The following VPS13D variants were observed in gnomAD, a reference collection of about 807,000 sequenced individuals.
The protein encoded by VPS13D is intermembrane lipid transfer protein VPS13D.
In VPS13D, 187 loss-of-function variants were observed where a neutral mutation model predicts 461.9. The observed-to-expected ratio is 0.40, with a 90% CI of 0.36 to 0.46. VPS13D has a LOEUF of 0.46. Ranked by LOEUF, VPS13D falls within the 20% of genes least tolerant of loss-of-function variation. The probability of loss-of-function intolerance (pLI) is 0.60; values close to 1 mark genes in which losing one functional copy is unlikely to be tolerated. For missense variants in VPS13D, 4,711 were observed against 5,364.9 expected, an observed-to-expected ratio of 0.88 and a Z score of 3.81; for synonymous variants, 1,951 against 1,986.3, an observed-to-expected ratio of 0.98 and a Z score of 0.47.
intron 22 of VPS13D, among the ~76,000 whole-genome samples, chr1:12,289,729 A>G (rs1159580464): frequency 1.3e-5 from 2 of 151,958 alleles, no homozygotes; most frequent in African/African-American, 4.8e-5. Context: ...TGAGGTCAGG[A>G]GTTTGAGACA....
At chr1:12,254,715 G>A (rs1455980990) in intron 7 of VPS13D, among the ~76,000 whole-genome samples, 3 of 151,200 alleles carry the variant, frequency 2.0e-5, no homozygotes, top group African/African-American at 4.9e-5. Context: ...GTAGAGATGG[G>A]GTTTCGCCAT....
chr1:12,302,837 T>C, intron 25 of VPS13D, among the ~76,000 whole-genome samples: 1 of 151,344 alleles, frequency 6.6e-6, no homozygotes, highest in East Asian at 1.9e-4. Context: ...AATTCCTTTT[T>C]TTTTTTTTTT....
At chr1:12,362,444 G>A (rs1400645519) in intron 50 of VPS13D, among the ~76,000 whole-genome samples, 1 of 152,218 alleles carries the variant, frequency 6.6e-6, no homozygotes, top group African/African-American at 2.4e-5. Flanking sequence ...TATTTTAGTT[G>A]CTGTTAAATG....
At chr1:12,405,916 C>CT (rs1644647254) in intron 63 of VPS13D, among the ~76,000 whole-genome samples, 1 of 152,182 alleles carries the variant, frequency 6.6e-6, no homozygotes, top group Admixed American at 6.5e-5. Flanking sequence ...ACTCCCCAGA[C>CT]TGAGAAAAGC....
At chr1:12,434,792 T>C (rs1027444016) in intron 65 of VPS13D, among the ~76,000 whole-genome samples, 10 of 152,368 alleles carry the variant, frequency 6.6e-5, no homozygotes, top group African/African-American at 2.4e-4. Context: ...TTTAGATTAA[T>C]CTTGTACTAC....
At chr1:12,483,399 T>A (rs1570262263) in intron 67 of VPS13D, among the ~76,000 whole-genome samples, 1 of 152,346 alleles carries the variant, frequency 6.6e-6, no homozygotes, top group African/African-American at 2.4e-5. Context: ...GCCATTTGGA[T>A]TTTTCTTCTT....
intron 47 of VPS13D, 52 bp downstream of exon 47, chr1:12,354,273 G>A (rs1217077029): frequency 6.3e-7 from 1 of 1,592,018 alleles, no homozygotes. Flanking sequence ...AAATATCAAT[G>A]AGTATTTTGT....
intron 27 of VPS13D, among the ~76,000 whole-genome samples, chr1:12,309,306 G>A (rs1377111897): frequency 6.6e-6 from 1 of 150,404 alleles, no homozygotes; most frequent in Non-Finnish European, 1.5e-5. Context: ...CACCTCCCGG[G>A]TTCAAGCGAT....
At chr1:12,233,376 C>T (rs1287298230) in intron 1 of VPS13D, among the ~76,000 whole-genome samples, 1 of 152,178 alleles carries the variant, frequency 6.6e-6, no homozygotes. Flanking sequence ...GGTTTCTTAA[C>T]ATTGGCTCTG....
intron 67 of VPS13D, among the ~76,000 whole-genome samples, chr1:12,472,853 C>T (rs185944559): frequency 3.7e-4 from 57 of 152,378 alleles, no homozygotes; most frequent in African/African-American, 1.3e-3. Context: ...TTAGGCATCA[C>T]AGCAGCTTTT....
At chr1:12,499,194 C>T (rs1055875996) in intron 68 of VPS13D, among the ~76,000 whole-genome samples, 7 of 152,056 alleles carry the variant, frequency 4.6e-5, no homozygotes, top group African/African-American at 1.7e-4. Flanking sequence ...GAGTCTACTA[C>T]AATGGCAGCC....
intron 65 of VPS13D, among the ~76,000 whole-genome samples, chr1:12,434,154 TG>T (rs1349300149): frequency 1.3e-5 from 2 of 152,176 alleles, no homozygotes; most frequent in Admixed American, 1.3e-4. Context: ...GCTATTTTTG[TG>T]GAATTACATA....
Position 12,507,394 on chromosome 1 carries a change from A to G in VPS13D, c.13035+301A>G. The G allele has an allele frequency of 1.7e-6, 1 of 604,082 alleles. No homozygotes were observed. The highest frequency in any genetic ancestry group is 3.2e-6 in the Non-Finnish European group (1 of 316,026). The allele number at this position is 604,082 out of a possible 1,614,324, so 37.4% of individuals were successfully genotyped here. A position where few individuals can be genotyped will look rare whatever the true frequency, so the allele number is the denominator to read the frequency against. On this transcript the variant is annotated intron_variant, in intron 69 of 69. Coordinates refer to ENST00000620676, the MANE Select transcript of VPS13D (RefSeq NM_015378.4). The surrounding 1 kb of genome is among the most constrained non-coding windows in gnomAD (Gnocchi z 5.3). ...CTTACTCTCGTTGGTGATAAGGAAC[A>G]GCTAACACAACACACAGGGTTTTTC... is the stretch of plus-strand genomic sequence containing the variant.
At position 12,277,702 on chromosome 1, in the gene VPS13D, A is replaced by G. The variant is rs779396510; in HGVS notation, c.4114A>G (p.Thr1372Ala). ...TGACCTAGCTTCGTCTCATTTGGAC[A>G]CTGTAAAGCTAATCTTGAACATAAA... ...GFDLASSHLD[T>A]VKLILNINIE... The change falls in exon 19 of 70, where the codon ACT becomes GCT. Residue 1372 changes from threonine (T) to alanine (A), a missense_variant. By Grantham distance (58) the Thr-to-Ala change is moderately conservative (BLOSUM62 0). Around this residue, in one of 3 missense-constraint regions of VPS13D, gnomAD observed 4,411 missense variants for 4,937.8 expected, o/e 0.89. Transcript: ENST00000620676. 6 of 1,614,126 alleles carry G rather than the reference A, an allele frequency of 3.7e-6. No individual in the cohort carries two copies. Among genetic ancestry groups the G allele is most frequent in the Non-Finnish European group, 5.1e-6 (6 of 1,180,052 alleles).
chr1:12,459,482 CTTTT>C (rs869264869), intron 66 of VPS13D, among the ~76,000 whole-genome samples: 2 of 131,340 alleles, frequency 1.5e-5, no homozygotes, highest in African/African-American at 2.8e-5. Context: ...CTTTTCTTTT[CTTTT>C]TTTTTTTTTT....
chr1:12,462,143 G>A (rs1645421207), intron 67 of VPS13D, among the ~76,000 whole-genome samples: 2 of 152,250 alleles, frequency 1.3e-5, no homozygotes, highest in South Asian at 4.2e-4. Flanking sequence ...ATCAAGCAGG[G>A]CAGCAAACAT....
chr1:12,378,433 A>T lies in VPS13D; in HGVS notation c.10923A>T (p.Pro3641=), dbSNP rs1644230961. The T allele has an allele frequency of 6.2e-7, 1 of 1,601,996 alleles. No individual in the cohort carries two copies. Among genetic ancestry groups the T allele is most frequent in the Non-Finnish European group, 8.5e-7 (1 of 1,175,426 alleles). ...TQRVILKKKE[P]GKRSQLWRMT... is the part of the protein sequence containing the mutation. ...TGCTTGTACCTACTTAACAGGAACC[A>T]GGAAAGCGTTCTCAGCTGTGGAGGA... Residue 3641 remains proline, a synonymous_variant, in exon 56 of 70, where the codon CCA becomes CCT. Coordinates refer to ENST00000620676, the MANE Select transcript of VPS13D (RefSeq NM_015378.4).
chr1:12,276,127 CAT>C lies in VPS13D; in HGVS notation c.2540_2541del (p.His847ArgfsTer40). ...CCAGGATATTGACGTGGGACCAACA[CAT>C]GTGGTAGAGAAGTTCAACGTTCACC... ...HVQDIDVGPT[H>X]VVEKFNVHLQ... On this transcript the variant is annotated frameshift_variant, in exon 19 of 70. Coordinates refer to ENST00000620676, the MANE Select transcript of VPS13D (RefSeq NM_015378.4). LOFTEE classifies it high-confidence loss of function. This position sits in a 1 kb window ranked among gnomAD's most constrained non-coding sequence, Gnocchi z 4.5. The C allele has an allele frequency of 6.2e-7, 1 of 1,614,134 alleles. No homozygotes were observed. The highest frequency in any genetic ancestry group is 8.5e-7 in the Non-Finnish European group (1 of 1,180,020).
At position 12,502,086 on chromosome 1, in the gene VPS13D, G is replaced by C. The variant is rs1266523433; in HGVS notation, c.12794+4455G>C. 1.3e-5 allele frequency among the ~76,000 whole-genome samples: 2 copies of C among 152,166 alleles called. No homozygotes were observed. Among genetic ancestry groups the C allele is most frequent in the African/African-American group, 4.8e-5 (2 of 41,444 alleles). On this transcript the variant is annotated intron_variant, in intron 68 of 69. Coordinates refer to ENST00000620676, the MANE Select transcript of VPS13D (RefSeq NM_015378.4). This position sits in a 1 kb window ranked among gnomAD's most constrained non-coding sequence, Gnocchi z 4.3. ...CCTTAGTGGTCATGCCGAGGAGCTT[G>C]CCTCTCCTGTAGGTGGGAGTGAGAT...
Sources: allele counts gnomAD v4.1 joint callset (sites outside exome capture counted in the v4.1 genomes callset), GRCh38; gene constraint gnomAD v4.1.1; regional missense constraint gnomAD v4.1.1; non-coding constraint Gnocchi (gnomAD v3.1); transcripts MANE v1.5; gene names NCBI Gene and HGNC (gene_info 2026-07-23, HGNC 2026-07-21).